ISY1: variants seen among roughly 807,000 people sequenced by gnomAD.
The protein encoded by ISY1 is ISY1 spliceosome associated protein.
ISY1 carries 12 observed loss-of-function variants against 54.4 expected under a neutral mutation model. The ratio of observed to expected loss-of-function variants is 0.22; its 90% confidence interval spans 0.14 to 0.36. ISY1 has a LOEUF of 0.36. Ranked by LOEUF, ISY1 falls within the 10% of genes least tolerant of loss-of-function variation. The pLI is 1.00. For missense variants in ISY1, 282 were observed against 342.2 expected, an observed-to-expected ratio of 0.82 and a Z score of 1.39; for synonymous variants, 96 against 117.9, an observed-to-expected ratio of 0.81 and a Z score of 1.20.
At chr3:129,153,739 T>A (rs958916368) in intron 5 of ISY1, among the ~76,000 whole-genome samples, 14 of 151,806 alleles carry the variant, frequency 9.2e-5, no homozygotes, top group Admixed American at 9.2e-4. Context: ...TGAGCCAAGA[T>A]CATGCCACTG....
At chr3:129,131,363 A>G (rs763701194) in intron 9 of ISY1, among the ~76,000 whole-genome samples, 3 of 152,196 alleles carry the variant, frequency 2.0e-5, no homozygotes, top group Non-Finnish European at 4.4e-5. Context: ...CAAAACCCCA[A>G]TCTGGACACA....
At chr3:129,143,965 AATT>A (rs1936700668) in intron 6 of ISY1, 3 of 168,528 alleles carry the variant, frequency 1.8e-5, no homozygotes. Flanking sequence ...ATAAAAATAA[AATT>A]ATTAAGCATT....
intron 10 of ISY1, 95 bp downstream of exon 10, chr3:129,130,455 G>GGGTA: frequency 6.8e-7 from 1 of 1,468,740 alleles, no homozygotes; most frequent in Non-Finnish European, 9.2e-7. Flanking sequence ...CTGCCCTGAT[G>GGGTA]GGTAGGAAGG....
chr3:129,157,743 C>T (rs554414673), intron 3 of ISY1, among the ~76,000 whole-genome samples: 194 of 148,910 alleles, frequency 1.3e-3, no homozygotes, highest in African/African-American at 4.5e-3. Flanking sequence ...AAAAAAGGGC[C>T]GGGCCCAGTC....
intron 5 of ISY1, among the ~76,000 whole-genome samples, chr3:129,155,797 C>A (rs1937116333): frequency 6.6e-6 from 1 of 151,582 alleles, no homozygotes; most frequent in Admixed American, 6.6e-5. Context: ...TCTTGGCTCA[C>A]TGTAACCTCC....
At chr3:129,160,890 C>G (rs1334008483) in intron 1 of ISY1, 83 bp downstream of exon 1, 29 of 1,514,110 alleles carry the variant, frequency 1.9e-5, no homozygotes, top group Admixed American at 1.2e-4. Context: ...TGAGCCTCTA[C>G]CGAATGAGCG....
chr3:129,140,721 C>A (rs1265125308), intron 6 of ISY1, among the ~76,000 whole-genome samples: 1 of 151,930 alleles, frequency 6.6e-6, no homozygotes, highest in Admixed American at 6.6e-5. Flanking sequence ...CAGGTGCGTG[C>A]CACCACGCCT....
intron 5 of ISY1, among the ~76,000 whole-genome samples, chr3:129,152,685 C>T (rs974961515): frequency 6.6e-6 from 1 of 152,128 alleles, no homozygotes; most frequent in Non-Finnish European, 1.5e-5. Context: ...GAATTACAGG[C>T]GTGAGCCACC....
intron 9 of ISY1, among the ~76,000 whole-genome samples, chr3:129,132,452 T>C (rs1445392812): frequency 6.6e-6 from 1 of 152,194 alleles, no homozygotes; most frequent in East Asian, 1.9e-4. Context: ...TCCAGCACAC[T>C]GGGCTGTCCT....
At chr3:129,130,688 G>A in intron 9 of ISY1, 52 bp from the exon 10 acceptor site, 1 of 1,598,770 alleles carries the variant, frequency 6.3e-7, no homozygotes. Context: ...CTAGATAAAT[G>A]CTGGCAACTC....
At chr3:129,155,945 C>A (rs1007016863) in intron 5 of ISY1, among the ~76,000 whole-genome samples, 2 of 151,674 alleles carry the variant, frequency 1.3e-5, no homozygotes, top group African/African-American at 4.8e-5. Context: ...GGTCTCAAAC[C>A]CCAGACCTTA....
At chr3:129,158,223 G>A (rs1367269143) in intron 3 of ISY1, among the ~76,000 whole-genome samples, 1 of 147,318 alleles carries the variant, frequency 6.8e-6, no homozygotes, top group African/African-American at 2.5e-5. Context: ...GCATGATCAT[G>A]GCTCCCTGCA....
chr3:129,139,389 AT>A (rs1029141701), intron 7 of ISY1, among the ~76,000 whole-genome samples: 1 of 152,052 alleles, frequency 6.6e-6, no homozygotes, highest in Admixed American at 6.6e-5. Context: ...ATAGAACTAT[AT>A]TTTTTTTAAA....
At chr3:129,141,550 C>A (rs572296395) in intron 6 of ISY1, among the ~76,000 whole-genome samples, 95 of 151,802 alleles carry the variant, frequency 6.3e-4, no homozygotes, top group Non-Finnish European at 1.1e-3. Context: ...GTCAGGAGAC[C>A]GAGACCATCC....
At chr3:129,136,422 A>T (rs1449495633) in intron 7 of ISY1, among the ~76,000 whole-genome samples, 1 of 152,096 alleles carries the variant, frequency 6.6e-6, no homozygotes, top group Non-Finnish European at 1.5e-5. Flanking sequence ...TAAAAATGAA[A>T]AACAAAATGA....
At chr3:129,154,103 G>A (rs544711666) in intron 5 of ISY1, among the ~76,000 whole-genome samples, 7 of 151,858 alleles carry the variant, frequency 4.6e-5, no homozygotes, top group South Asian at 4.2e-4. Flanking sequence ...TCAGCCAGGC[G>A]AGGGGGTGGG....
In ISY1 at chr3:129,140,500, A is replaced by G. The variant is rs201304697; in HGVS notation, c.301-15T>C. ...GGGCCAACTTTCTTATTGGGAAGAA[A>G]AAAAGAGAAAATGGATCTGTTAGTT... is the stretch of plus-strand genomic sequence containing the variant. On this transcript the variant is annotated splice_polypyrimidine_tract_variant and intron_variant, in intron 6 of 10. Coordinates refer to ENST00000393295, the MANE Select transcript of ISY1 (RefSeq NM_020701.4). 1.4e-5 allele frequency: 23 copies of G among 1,589,608 alleles called. No individual in the cohort carries two copies. In the Admixed American group the frequency reaches 2.7e-4, roughly 19 times the overall value.
At chr3:129,135,446 C>T (rs1299191359) in intron 7 of ISY1, among the ~76,000 whole-genome samples, 2 of 152,066 alleles carry the variant, frequency 1.3e-5, no homozygotes, top group African/African-American at 4.8e-5. Flanking sequence ...CCCATTTGTC[C>T]GTTTAAAAGC....
chr3:129,141,668 G>A (rs772156951), intron 6 of ISY1, among the ~76,000 whole-genome samples: 18 of 147,268 alleles, frequency 1.2e-4, no homozygotes, highest in Non-Finnish European at 1.9e-4. Context: ...GCAGGAGAAC[G>A]GCATGAACCT....
Sources: gnomAD v4.1 joint callset for allele counts (sites outside exome capture counted in the v4.1 genomes callset) on GRCh38, gnomAD v4.1.1 for gene constraint, MANE v1.5 for transcripts, NCBI Gene and HGNC (gene_info 2026-07-23, HGNC 2026-07-21) for gene names.